Variants in BMP5 observed in about 807,000 individuals in gnomAD.
BMP5 encodes bone morphogenetic protein 5.
A neutral mutation model predicts 46.6 loss-of-function variants in BMP5; 23 were observed. That is an observed-to-expected ratio of 0.49 (90% CI 0.35 to 0.70). BMP5 has a LOEUF of 0.70. Ranked by LOEUF, BMP5 falls within the 30% of genes least tolerant of loss-of-function variation. The probability of loss-of-function intolerance (pLI) is 0.00; values close to 1 mark genes in which losing one functional copy is unlikely to be tolerated. For synonymous variants in BMP5, 204 were observed against 191.9 expected (o/e 1.06, Z -0.52); for missense variants, 545 against 565.6 (o/e 0.96, Z 0.37).
chr6:55,807,135 C>T (rs569678402), intron 2 of BMP5, among the ~76,000 whole-genome samples: 3 of 152,236 alleles, frequency 2.0e-5, no homozygotes, highest in Admixed American at 6.5e-5. Context: ...AGGGGGCATC[C>T]TTATCTTGTG....
chr6:55,784,495 A>G (rs1775400637), intron 3 of BMP5, among the ~76,000 whole-genome samples: 2 of 151,774 alleles, frequency 1.3e-5, no homozygotes, highest in Admixed American at 6.6e-5. Flanking sequence ...AATTAAGAAG[A>G]GGGGGTTTGT....
chr6:55,808,915 A>G (rs1479506385), intron 2 of BMP5, among the ~76,000 whole-genome samples: 1 of 151,498 alleles, frequency 6.6e-6, no homozygotes, highest in Non-Finnish European at 1.5e-5. Flanking sequence ...AACCATCTTG[A>G]CCCACCCCAC....
At chr6:55,826,751 T>G (rs1776541846) in intron 1 of BMP5, among the ~76,000 whole-genome samples, 1 of 151,720 alleles carries the variant, frequency 6.6e-6, no homozygotes, top group Non-Finnish European at 1.5e-5. Context: ...ATATAATTAA[T>G]AAATTTTAAT....
intron 1 of BMP5, among the ~76,000 whole-genome samples, chr6:55,855,088 G>A (rs541241980): frequency 1.9e-3 from 293 of 151,960 alleles, no homozygotes; most frequent in Admixed American, 3.2e-3. Flanking sequence ...CATATTTTCA[G>A]CAACTACCAA....
chr6:55,806,243 CT>C (rs1386258089), intron 2 of BMP5, among the ~76,000 whole-genome samples: 1 of 151,986 alleles, frequency 6.6e-6, no homozygotes, highest in Non-Finnish European at 1.5e-5. Context: ...GTTAATTTTT[CT>C]ATAAGGTGTA....
intron 2 of BMP5, among the ~76,000 whole-genome samples, chr6:55,795,005 G>T (rs972565124): frequency 4.6e-5 from 7 of 152,092 alleles, no homozygotes; most frequent in African/African-American, 1.7e-4. Flanking sequence ...CAATCTATGA[G>T]AACTTTTGTT....
intron 2 of BMP5, among the ~76,000 whole-genome samples, chr6:55,802,326 A>G (rs1463015296): frequency 6.6e-6 from 1 of 152,200 alleles, no homozygotes; most frequent in African/African-American, 2.4e-5. Context: ...TGGTTACTAT[A>G]CCATGTGAAT....
At chr6:55,810,965 T>G (rs1776119774) in intron 2 of BMP5, among the ~76,000 whole-genome samples, 1 of 152,192 alleles carries the variant, frequency 6.6e-6, no homozygotes, top group Admixed American at 6.5e-5. Context: ...AAATGTCTCC[T>G]AGGGACCAAA....
chr6:55,795,179 G>T (rs1775677347), intron 2 of BMP5, among the ~76,000 whole-genome samples: 1 of 152,038 alleles, frequency 6.6e-6, no homozygotes, highest in South Asian at 2.1e-4. Flanking sequence ...ATAAACATTT[G>T]TTGAATTATA....
intron 1 of BMP5, among the ~76,000 whole-genome samples, chr6:55,835,364 T>C (rs1776767593): frequency 6.6e-6 from 1 of 152,160 alleles, no homozygotes; most frequent in South Asian, 2.1e-4. Flanking sequence ...ACTTCCTAAC[T>C]GAGCAGAAAT....
At chr6:55,793,321 C>T (rs1427218197) in intron 3 of BMP5, among the ~76,000 whole-genome samples, 1 of 152,214 alleles carries the variant, frequency 6.6e-6, no homozygotes, top group Non-Finnish European at 1.5e-5. Flanking sequence ...CAGATTATAG[C>T]TCAAATCTAG....
In BMP5 at chr6:55,868,187, T is replaced by TAGGTATTA. The variant is rs1777695482; in HGVS notation, c.490+6188_490+6189insTAATACCT. Among the ~76,000 whole-genome samples the TAGGTATTA allele has an allele frequency of 3.9e-5, 6 of 152,332 alleles. No individual in the cohort carries two copies. In the East Asian group the frequency reaches 9.6e-4, roughly 24 times the overall value. ...ACATGTGTTATAGTCCTGAATAAAA[T>TAGGTATTA]CTAAATAGGATTTACATCTGTTGAT... On this transcript the variant is annotated intron_variant, in intron 1 of 6. Coordinates refer to ENST00000370830, the MANE Select transcript of BMP5 (RefSeq NM_021073.4).
intron 1 of BMP5, among the ~76,000 whole-genome samples, chr6:55,824,109 C>T (rs188603917): frequency 2.0e-5 from 3 of 152,012 alleles, no homozygotes; most frequent in Non-Finnish European, 2.9e-5. Context: ...CAAACACACA[C>T]ATTTAACACT....
At chr6:55,840,413 G>A (rs1056597491) in intron 1 of BMP5, among the ~76,000 whole-genome samples, 1 of 152,110 alleles carries the variant, frequency 6.6e-6, no homozygotes, top group Admixed American at 6.6e-5. Flanking sequence ...GACATGGTGA[G>A]CATAGATAAC....
chr6:55,781,029 A>G (rs1479011256), intron 3 of BMP5, among the ~76,000 whole-genome samples: 1 of 152,102 alleles, frequency 6.6e-6, no homozygotes, highest in African/African-American at 2.4e-5. Flanking sequence ...GCCGCTAGAA[A>G]TATGAATCTC....
chr6:55,841,884 A>G (rs550087442), intron 1 of BMP5, among the ~76,000 whole-genome samples: 2 of 151,500 alleles, frequency 1.3e-5, no homozygotes, highest in African/African-American at 4.9e-5. Context: ...TTTGGAGAGA[A>G]CAAAGTTCAG....
chr6:55,810,156 T>G (rs1439700404), intron 2 of BMP5, among the ~76,000 whole-genome samples: 1 of 152,188 alleles, frequency 6.6e-6, no homozygotes, highest in Non-Finnish European at 1.5e-5. Context: ...TCAATTCAAA[T>G]TGATCAATGT....
intron 3 of BMP5, among the ~76,000 whole-genome samples, chr6:55,780,675 C>T (rs915995842): frequency 1.3e-5 from 2 of 151,804 alleles, no homozygotes; most frequent in African/African-American, 2.4e-5. Context: ...GATAAAGTGA[C>T]GGGGCTTAGA....
chr6:55,761,949 T>A (rs999185872), intron 4 of BMP5, among the ~76,000 whole-genome samples: 1 of 152,128 alleles, frequency 6.6e-6, no homozygotes, highest in African/African-American at 2.4e-5. Context: ...GAGGAGTTAA[T>A]GGACAAATTT....
Sources: gnomAD v4.1 joint callset for allele counts (sites outside exome capture counted in the v4.1 genomes callset) on GRCh38, gnomAD v4.1.1 for gene constraint, MANE v1.5 for transcripts, NCBI Gene and HGNC (gene_info 2026-07-23, HGNC 2026-07-21) for gene names.